The following PCCA variants were observed in gnomAD, a reference collection of about 807,000 sequenced individuals.
The protein encoded by PCCA is propionyl-CoA carboxylase alpha chain, mitochondrial.
In PCCA, 74 loss-of-function variants were observed where a neutral mutation model predicts 101.3. The observed-to-expected ratio is 0.73, with a 90% CI of 0.61 to 0.89. The LOEUF is 0.89. Ranked by LOEUF, PCCA falls within the 40% of genes least tolerant of loss-of-function variation. The pLI, the probability that PCCA is intolerant of heterozygous loss-of-function variation, is 0.00. For missense variants in PCCA, 891 were observed against 907.0 expected, an observed-to-expected ratio of 0.98 and a Z score of 0.23; for synonymous variants, 294 against 313.6, an observed-to-expected ratio of 0.94 and a Z score of 0.66.
intron 18 of PCCA, among the ~76,000 whole-genome samples, chr13:100,340,697 C>T (rs2071174376): frequency 6.6e-6 from 1 of 152,174 alleles, no homozygotes; most frequent in Admixed American, 6.5e-5. Context: ...ATTTGTGAGA[C>T]ACAAGTGTGC....
chr13:100,494,340 C>T (rs930398737), intron 21 of PCCA, among the ~76,000 whole-genome samples: 10 of 152,152 alleles, frequency 6.6e-5, no homozygotes, highest in South Asian at 4.1e-4. Flanking sequence ...CATTCACCTT[C>T]GGATGCCATG....
intron 6 of PCCA, among the ~76,000 whole-genome samples, chr13:100,204,546 A>G (rs554203366): frequency 6.7e-4 from 102 of 152,236 alleles, no homozygotes; most frequent in Admixed American, 1.0e-3. Context: ...TAATATAGCA[A>G]TTTACTAACT....
chr13:100,358,192 T>C (rs2074150439), intron 18 of PCCA, among the ~76,000 whole-genome samples: 1 of 152,182 alleles, frequency 6.6e-6, no homozygotes, highest in Non-Finnish European at 1.5e-5. Context: ...TAGTACAACA[T>C]AAAAGTGAGC....
intron 18 of PCCA, among the ~76,000 whole-genome samples, chr13:100,355,285 C>T (rs1035947991): frequency 1.2e-4 from 19 of 152,002 alleles, no homozygotes; most frequent in African/African-American, 3.9e-4. Context: ...TCAGCCTACT[C>T]GGAATAGAAG....
intron 23 of PCCA, among the ~76,000 whole-genome samples, chr13:100,529,027 T>C (rs1177926251): frequency 6.6e-6 from 1 of 152,182 alleles, no homozygotes; most frequent in East Asian, 1.9e-4. Flanking sequence ...GTAGGTTTCC[T>C]GTCCTCGTGG....
intron 7 of PCCA, among the ~76,000 whole-genome samples, chr13:100,224,577 C>T (rs1182534076): frequency 6.6e-6 from 1 of 152,268 alleles, no homozygotes; most frequent in Non-Finnish European, 1.5e-5. Flanking sequence ...GCTGTGAGGA[C>T]TGCCAGCACG....
intron 20 of PCCA, among the ~76,000 whole-genome samples, chr13:100,432,175 A>G (rs2079605646): frequency 6.6e-6 from 1 of 152,100 alleles, no homozygotes; most frequent in African/African-American, 2.4e-5. Flanking sequence ...ATAAATAAAC[A>G]AACAAACAGA....
Position 100,332,747 on chromosome 13 carries a change from A to G in PCCA, c.1540+2076A>G, listed in dbSNP as rs1454784360. On this transcript the variant is annotated intron_variant, in intron 17 of 23. Coordinates refer to ENST00000376285, the MANE Select transcript of PCCA (RefSeq NM_000282.4). ...TGCAGTTTTCTGTGATGCATATAAT[A>G]TATTACATTTCTTTTTTTGTAAGGA... Among the ~76,000 whole-genome samples, 3 of 152,194 alleles carry G rather than the reference A, an allele frequency of 2.0e-5. No individual in the cohort carries two copies. In the East Asian group the frequency reaches 5.8e-4, roughly 29 times the overall value.
chr13:100,178,295 C>A (rs908408168), intron 6 of PCCA, among the ~76,000 whole-genome samples: 15 of 152,142 alleles, frequency 9.9e-5, no homozygotes, highest in Middle Eastern at 3.4e-3. Context: ...TATCTTAAAC[C>A]CCAGGGCCAA....
intron 21 of PCCA, among the ~76,000 whole-genome samples, chr13:100,505,065 A>G (rs1485675824): frequency 6.6e-6 from 1 of 152,254 alleles, no homozygotes; most frequent in Non-Finnish European, 1.5e-5. Context: ...TTCTGACTCC[A>G]GATCCTAAAT....
chr13:100,140,604 G>A (rs1408939511), intron 4 of PCCA, among the ~76,000 whole-genome samples: 4 of 152,118 alleles, frequency 2.6e-5, no homozygotes, highest in Non-Finnish European at 5.9e-5. Context: ...AAAAGAAAAT[G>A]ATAAAACTCA....
intron 21 of PCCA, among the ~76,000 whole-genome samples, chr13:100,496,432 C>G (rs1190800774): frequency 6.6e-6 from 1 of 151,910 alleles, no homozygotes; most frequent in Non-Finnish European, 1.5e-5. Context: ...TCAAATGGCT[C>G]TCAATTTGGA....
chr13:100,484,589 CT>C (rs1000927167), intron 21 of PCCA, among the ~76,000 whole-genome samples: 13 of 152,226 alleles, frequency 8.5e-5, no homozygotes, highest in African/African-American at 2.6e-4. Context: ...TTGAATTTTT[CT>C]TTTTTCCCCC....
At chr13:100,438,874 A>T (rs578051061) in intron 20 of PCCA, among the ~76,000 whole-genome samples, 1 of 152,292 alleles carries the variant, frequency 6.6e-6, no homozygotes, top group African/African-American at 2.4e-5. Context: ...AACATGAAAG[A>T]CTTTTAAAAA....
rs34906541 is a variant in PCCA, at chr13:100,405,769, C to CTTTTT, written c.1747-19848_1747-19844dup. ...CCTGGACCTGTTAGGAAGTGACATT[C>CTTTTT]TTTTTTTTTTTTTTTTTTTTGAGAT... is the stretch of plus-strand genomic sequence containing the variant. On this transcript the variant is annotated intron_variant, in intron 19 of 23. Transcript: ENST00000376285. 4.7e-4 allele frequency among the ~76,000 whole-genome samples: 55 copies of CTTTTT among 116,320 alleles called. 2 individuals are homozygous for CTTTTT. The highest frequency in any genetic ancestry group is 5.3e-4 in the Non-Finnish European group (31 of 58,920). The allele number at this position is 116,320 out of a possible 152,430, so 76.3% of individuals were successfully genotyped here.
At chr13:100,303,112 C>G (rs536014936) in intron 14 of PCCA, 114 bp downstream of exon 14, 17 of 767,670 alleles carry the variant, frequency 2.2e-5, no homozygotes, top group South Asian at 2.1e-4. Context: ...AAGTGAAATT[C>G]ATGGGAATCA....
At chr13:100,284,436 C>T (rs1159316129) in intron 12 of PCCA, among the ~76,000 whole-genome samples, 2 of 152,186 alleles carry the variant, frequency 1.3e-5, no homozygotes, top group African/African-American at 4.8e-5. Flanking sequence ...TAAAAGATCC[C>T]ACCACTTTTC....
At chr13:100,366,005 T>A (rs1031538798) in intron 18 of PCCA, among the ~76,000 whole-genome samples, 1 of 152,282 alleles carries the variant, frequency 6.6e-6, no homozygotes, top group Middle Eastern at 3.4e-3. Context: ...TAAAATTGAA[T>A]GCAAAAGGTG....
chr13:100,261,038 A>G (rs1373699390), intron 9 of PCCA, among the ~76,000 whole-genome samples: 1 of 152,182 alleles, frequency 6.6e-6, no homozygotes, highest in Non-Finnish European at 1.5e-5. Context: ...AAGGACTGGA[A>G]GAATTTGGTT....
Sources: allele counts gnomAD v4.1 joint callset (sites outside exome capture counted in the v4.1 genomes callset), GRCh38; gene constraint gnomAD v4.1.1; transcripts MANE v1.5; gene names NCBI Gene and HGNC (gene_info 2026-07-23, HGNC 2026-07-21).